NRXN1: variants seen among roughly 807,000 people sequenced by gnomAD.
The protein encoded by NRXN1 is neurexin-1.
In NRXN1, 39 loss-of-function variants were observed where a neutral mutation model predicts 150.9. The observed-to-expected ratio is 0.26, with a 90% CI of 0.20 to 0.34. The LOEUF (loss-of-function observed/expected upper bound fraction) is 0.34, where lower values mean the gene tolerates loss of function less well. Ranked by LOEUF, NRXN1 falls within the 10% of genes least tolerant of loss-of-function variation. The pLI is 1.00. For synonymous variants in NRXN1, 924 were observed against 757.0 expected, an observed-to-expected ratio of 1.22 and a Z score of -3.62; for missense variants, 1,815 against 1,949.9, an observed-to-expected ratio of 0.93 and a Z score of 1.30.
At chr2:51,005,468 A>G (rs751859319) in intron 2 of NRXN1, among the ~76,000 whole-genome samples, 113 of 152,012 alleles carry the variant, frequency 7.4e-4, no homozygotes, top group Non-Finnish European at 9.7e-4. Context: ...TCAAAAATGA[A>G]AAAGAAATAA....
intron 18 of NRXN1, among the ~76,000 whole-genome samples, chr2:50,135,884 G>A (rs182096833): frequency 2.0e-5 from 3 of 152,242 alleles, no homozygotes; most frequent in East Asian, 3.9e-4. Context: ...AAAGAAAATT[G>A]AGACATAACA....
At chr2:50,742,198 T>C (rs758330045) in intron 5 of NRXN1, among the ~76,000 whole-genome samples, 24 of 152,178 alleles carry the variant, frequency 1.6e-4, no homozygotes, top group Non-Finnish European at 3.1e-4. Context: ...ACTAAATGTT[T>C]CAAAGAGAAA....
chr2:50,242,138 G>C (rs1462487259), intron 17 of NRXN1, among the ~76,000 whole-genome samples: 6 of 151,714 alleles, frequency 4.0e-5, no homozygotes, highest in Non-Finnish European at 7.4e-5. Context: ...TTCCTTCAGT[G>C]AAAGTTTACA....
intron 5 of NRXN1, among the ~76,000 whole-genome samples, chr2:50,722,370 C>A (rs577852719): frequency 1.2e-4 from 19 of 152,118 alleles, no homozygotes; most frequent in African/African-American, 4.6e-4. Flanking sequence ...GAAGTAATAG[C>A]AAATTGAAAA....
intron 5 of NRXN1, among the ~76,000 whole-genome samples, chr2:50,869,677 TAATTATTTA>T (rs1329988967): frequency 2.2e-5 from 3 of 139,102 alleles, no homozygotes; most frequent in African/African-American, 7.7e-5. Context: ...AAATTAACTT[TAATTATTTA>T]ATTTGTCTAA....
Position 50,400,957 on chromosome 2 carries a change from A to C in NRXN1, c.3364+64485T>G, listed in dbSNP as rs2082352988. Among the ~76,000 whole-genome samples the C allele has an allele frequency of 2.6e-5, 4 of 152,272 alleles. 1 individual carries two copies. In the South Asian group the frequency reaches 8.3e-4, roughly 32 times the overall value. On this transcript the variant is annotated intron_variant, in intron 17 of 22. Coordinates refer to ENST00000401669, the MANE Select transcript of NRXN1 (RefSeq NM_001330078.2). ...TGTCATAGTGCTGTGTGATCACCTT[A>C]ATGCAAAATCCCAGAGCAGAGGCTC...
intron 12 of NRXN1, among the ~76,000 whole-genome samples, chr2:50,525,601 C>T (rs2092930020): frequency 6.6e-6 from 1 of 152,162 alleles, no homozygotes; most frequent in Non-Finnish European, 1.5e-5. Flanking sequence ...TAATGAGCAT[C>T]AATAAACTGA....
Position 50,054,952 on chromosome 2 carries a change from T to C in NRXN1, c.3808+3A>G, listed in dbSNP as rs1158398562. 6.5e-7 allele frequency: 1 copy of C among 1,544,516 alleles called. No homozygotes were observed. The highest frequency in any genetic ancestry group is 8.7e-7 in the Non-Finnish European group (1 of 1,144,942). ...ATTTGAAGTTTTAATCAATGTTTTT[T>C]ACCTTTGTCGAGTAGCCATTCATCA... On this transcript the variant is annotated splice_donor_region_variant and intron_variant, in intron 20 of 22. Coordinates refer to ENST00000401669, the MANE Select transcript of NRXN1 (RefSeq NM_001330078.2).
chr2:50,872,559 C>G (rs1324086846), intron 5 of NRXN1, among the ~76,000 whole-genome samples: 1 of 151,476 alleles, frequency 6.6e-6, no homozygotes, highest in African/African-American at 2.4e-5. Flanking sequence ...CCATTTTATG[C>G]TAAATAGTCA....
intron 2 of NRXN1, among the ~76,000 whole-genome samples, chr2:50,934,329 T>C (rs1241442071): frequency 1.3e-5 from 2 of 152,194 alleles, no homozygotes; most frequent in East Asian, 3.8e-4. Context: ...CCACTTTTCC[T>C]ATAAACATTT....
At chr2:50,921,327 T>G (rs554842433) in intron 5 of NRXN1, among the ~76,000 whole-genome samples, 6 of 151,836 alleles carry the variant, frequency 4.0e-5, no homozygotes, top group Non-Finnish European at 8.8e-5. Context: ...AAAGTTAGTA[T>G]GCATAAAAAG....
intron 17 of NRXN1, among the ~76,000 whole-genome samples, chr2:50,302,481 C>G (rs2074247693): frequency 6.6e-6 from 1 of 152,056 alleles, no homozygotes; most frequent in African/African-American, 2.4e-5. Context: ...TCCACCATAC[C>G]AAAAGTCAAG....
At chr2:50,434,109 T>G (rs947741263) in intron 17 of NRXN1, among the ~76,000 whole-genome samples, 2 of 131,852 alleles carry the variant, frequency 1.5e-5, no homozygotes, top group Non-Finnish European at 3.1e-5. Context: ...CAGGCTGGAG[T>G]GCAATGGCTG....
intron 5 of NRXN1, chr2:50,918,897 C>T: frequency 5.4e-6 from 1 of 185,426 alleles, no homozygotes; most frequent in Non-Finnish European, 1.1e-5. Context: ...TACCCACAAC[C>T]AGCAAAAGTA....
chr2:50,763,282 C>T (rs1328828005), intron 5 of NRXN1, among the ~76,000 whole-genome samples: 2 of 151,978 alleles, frequency 1.3e-5, no homozygotes, highest in African/African-American at 4.8e-5. Flanking sequence ...GGATTTTCAA[C>T]ATTTGTATCA....
chr2:50,684,339 CA>C (rs1254885780), intron 5 of NRXN1, among the ~76,000 whole-genome samples: 1 of 151,602 alleles, frequency 6.6e-6, no homozygotes, highest in Non-Finnish European at 1.5e-5. Context: ...CCCGTCACTA[CA>C]AAAAAATACA....
intron 5 of NRXN1, among the ~76,000 whole-genome samples, chr2:50,706,664 C>G (rs1694485888): frequency 6.6e-6 from 1 of 152,080 alleles, no homozygotes. Context: ...TTATATTTGA[C>G]TCTACTTAGC....
At chr2:50,343,296 T>G (rs890523864) in intron 17 of NRXN1, among the ~76,000 whole-genome samples, 1 of 152,158 alleles carries the variant, frequency 6.6e-6, no homozygotes, top group African/African-American at 2.4e-5. Context: ...ACCTAAGCAT[T>G]TCACTGACAT....
At chr2:50,587,522 G>T (rs1315917234) in intron 8 of NRXN1, among the ~76,000 whole-genome samples, 1 of 152,044 alleles carries the variant, frequency 6.6e-6, no homozygotes, top group Non-Finnish European at 1.5e-5. Flanking sequence ...GCAGAAAGTT[G>T]CCTTGTAACT....
Sources: gnomAD v4.1 joint callset for allele counts (sites outside exome capture counted in the v4.1 genomes callset) on GRCh38, gnomAD v4.1.1 for gene constraint, MANE v1.5 for transcripts, NCBI Gene and HGNC (gene_info 2026-07-23, HGNC 2026-07-21) for gene names.